DMXL1: variants seen among roughly 807,000 people sequenced by gnomAD.
DMXL1 encodes the protein dmX-like protein 1.
Under a neutral mutation model 319.2 loss-of-function variants are expected in DMXL1, and 99 were observed. That is an observed-to-expected ratio of 0.31 (90% CI 0.26 to 0.37). The LOEUF (loss-of-function observed/expected upper bound fraction) is 0.37, where lower values mean the gene tolerates loss of function less well. Ranked by LOEUF, DMXL1 falls within the 10% of genes least tolerant of loss-of-function variation. The pLI is 1.00. For missense variants in DMXL1, 3,745 were observed against 3,595.6 expected (o/e 1.04, Z -1.06); for synonymous variants, 1,385 against 1,235.2 (o/e 1.12, Z -2.54).
At chr5:119,159,859 A>G (rs1282187605) in intron 19 of DMXL1, among the ~76,000 whole-genome samples, 3 of 152,152 alleles carry the variant, frequency 2.0e-5, no homozygotes, top group Admixed American at 1.3e-4. Flanking sequence ...CCTGGTCTCA[A>G]GTGATCTGCC....
chr5:119,073,786 G>C (rs749230508), intron 1 of DMXL1, among the ~76,000 whole-genome samples: 6 of 152,090 alleles, frequency 3.9e-5, no homozygotes, highest in Non-Finnish European at 7.4e-5. Context: ...GTTCATCCTT[G>C]ACTCTTTAAG....
At chr5:119,108,138 G>GTT (rs1193287269) in intron 4 of DMXL1, among the ~76,000 whole-genome samples, 1 of 152,154 alleles carries the variant, frequency 6.6e-6, no homozygotes, top group East Asian at 1.9e-4. Flanking sequence ...TGAGTTGGGA[G>GTT]GATCGCTTGA....
chr5:119,170,097 G>T, intron 23 of DMXL1, 93 bp from the exon 24 acceptor site: 1 of 1,343,036 alleles, frequency 7.4e-7, no homozygotes, highest in African/African-American at 1.5e-5. Flanking sequence ...AGACTCTTTA[G>T]ATAAAGGTGT....
intron 25 of DMXL1, among the ~76,000 whole-genome samples, chr5:119,174,564 T>C (rs995246751): frequency 6.6e-6 from 1 of 152,268 alleles, no homozygotes; most frequent in Non-Finnish European, 1.5e-5. Flanking sequence ...TCTCCATTTT[T>C]ATCTACAAAA....
rs762835837 is a variant in DMXL1, at chr5:119,134,125, C to T, written c.2201C>T (p.Ser734Phe). The change falls in exon 12 of 44, where the codon TCT (serine) becomes TTT (phenylalanine). Residue 734 changes from serine (S) to phenylalanine (F), a missense_variant. Coordinates refer to ENST00000539542, the MANE Select transcript of DMXL1 (RefSeq NM_001290321.3). ...ELARINSLHV[S>F]AFSNVAWLPT... is the part of the protein sequence containing the mutation. ...GCCCGGATTAATTCTCTTCATGTTTCTGCCTTTTCCAATGTGGCATGGCTG... is the reference window on the plus strand; with the variant it reads ...GCCCGGATTAATTCTCTTCATGTTTTTGCCTTTTCCAATGTGGCATGGCTG... 3.7e-6 allele frequency: 6 copies of T among 1,613,888 alleles called. No homozygotes were observed. In the African/African-American group the frequency reaches 8.0e-5, roughly 22 times the overall value.
rs760027111 is a variant in DMXL1 at position 119,170,429 on chromosome 5, A to T, written c.5638A>T (p.Lys1880Ter). The T allele has an allele frequency of 6.2e-7, 1 of 1,614,002 alleles. No homozygotes were observed. Among genetic ancestry groups the T allele is most frequent in the Non-Finnish European group, 8.5e-7 (1 of 1,179,950 alleles). ...AATGTTGGCTTTGGAAGTATTATCA[A>T]AGATGCCTAAAGTCATCAAGAAAAC... Reference protein sequence around the residue: ...CPMLALEVLSKMPKVIKKTRP... With the variant: ...CPMLALEVLS The change falls in exon 24 of 44, where the codon AAG (lysine) becomes TAG (stop). Residue 1880 changes from lysine (K) to a stop codon, truncating the protein, a stop_gained. Coordinates refer to ENST00000539542, the MANE Select transcript of DMXL1 (RefSeq NM_001290321.3). LOFTEE classifies it high-confidence loss of function.
chr5:119,241,618 C>A (rs776420239), intron 42 of DMXL1, among the ~76,000 whole-genome samples: 2 of 151,090 alleles, frequency 1.3e-5, no homozygotes, highest in African/African-American at 4.9e-5. Flanking sequence ...TGGTGCATAT[C>A]AAGCAATTCA....
intron 19 of DMXL1, 53 bp from the exon 20 acceptor site, chr5:119,164,454 T>C (rs1428627471): frequency 2.8e-6 from 4 of 1,447,936 alleles, no homozygotes; most frequent in Non-Finnish European, 3.8e-6. Context: ...TTTCTGATAA[T>C]CATATAAGCA....
At chr5:119,151,804 T>G in intron 18 of DMXL1, 125 bp from the exon 19 acceptor site, 1 of 500,314 alleles carries the variant, frequency 2.0e-6, no homozygotes, top group Non-Finnish European at 3.5e-6. Flanking sequence ...AGATAAATGT[T>G]AGAAAATATT....
intron 25 of DMXL1, among the ~76,000 whole-genome samples, chr5:119,173,776 G>GA (rs1554127641): frequency 1.5e-5 from 1 of 67,170 alleles, no homozygotes; most frequent in Non-Finnish European, 2.9e-5. Context: ...ATGTGTGTGT[G>GA]TATATATATA....
Position 119,243,059 on chromosome 5 carries a change from C to T in DMXL1, c.8705-1300C>T, listed in dbSNP as rs1198665423. On this transcript the variant is annotated intron_variant, in intron 42 of 43. Coordinates refer to ENST00000539542, the MANE Select transcript of DMXL1 (RefSeq NM_001290321.3). ...TGCTTTTGTTGGGGAGGAGAATTGA[C>T]CATGAAGGGGCATGAAGGAACGTTC... Among the ~76,000 whole-genome samples the T allele has an allele frequency of 5.3e-5, 8 of 152,048 alleles. No homozygotes were observed. In the South Asian group the frequency reaches 1.5e-3, roughly 28 times the overall value.
At chr5:119,071,995 G>T (rs891407175) in intron 1 of DMXL1, among the ~76,000 whole-genome samples, 9 of 152,026 alleles carry the variant, frequency 5.9e-5, no homozygotes, top group African/African-American at 2.2e-4. Flanking sequence ...CATTCTATAG[G>T]TTCAAATTGT....
chr5:119,190,950 A>G (rs1275845626), intron 29 of DMXL1, among the ~76,000 whole-genome samples: 1 of 152,220 alleles, frequency 6.6e-6, no homozygotes, highest in East Asian at 1.9e-4. Context: ...CCTGAGTTAC[A>G]GAGATAGAAG....
At chr5:119,077,746 A>G (rs1243420894) in intron 1 of DMXL1, among the ~76,000 whole-genome samples, 2 of 62,332 alleles carry the variant, frequency 3.2e-5, no homozygotes, top group African/African-American at 1.8e-4. Context: ...ATATACATTT[A>G]TTTTTTAAGT....
chr5:119,173,748 G>GTGTGTA (rs1775138493), intron 25 of DMXL1, among the ~76,000 whole-genome samples: 1 of 97,924 alleles, frequency 1.0e-5, no homozygotes. Context: ...ATATATATAT[G>GTGTGTA]TGTGTGTATA....
Position 119,149,126 on chromosome 5 carries a change from A to T in DMXL1, c.3299A>T (p.Asp1100Val). The T allele has an allele frequency of 6.2e-7, 1 of 1,613,968 alleles. No individual in the cohort carries two copies. ...CWVLEQTIHL[D>V]ELSTVLDSGI... is the part of the protein sequence containing the mutation. The stretch of plus-strand genomic sequence containing the variant: ...GTCCTTGAGCAGACAATTCATTTAG[A>T]TGAGTTAAGCACAGTATTGGATTCT... The change falls in exon 18 of 44, where the codon GAT becomes GTT. Residue 1100 changes from aspartate (D) to valine (V), a missense_variant. By Grantham distance (152) the Asp-to-Val change is radical. This residue lies in a region of DMXL1 where 2,096 missense variants were observed against 1,985.4 expected (regional missense o/e 1.06). Coordinates refer to ENST00000539542, the MANE Select transcript of DMXL1 (RefSeq NM_001290321.3).
chr5:119,122,280 C>T (rs1337243257), intron 9 of DMXL1, among the ~76,000 whole-genome samples: 8 of 147,834 alleles, frequency 5.4e-5, no homozygotes, highest in Non-Finnish European at 1.1e-4. Flanking sequence ...ACCCCACCTC[C>T]CTCCCGGACG....
Position 119,177,988 on chromosome 5 carries a change from C to A in DMXL1, c.6887-8C>A. 6.3e-7 allele frequency: 1 copy of A among 1,577,500 alleles called. No homozygotes were observed. The highest frequency in any genetic ancestry group is 1.2e-5 in the South Asian group (1 of 83,560). ...GTCAGTGACAGCTATGTTTGTTTGT[C>A]GTTCTAGGAATAACTTGTCTAATTC... On this transcript the variant is annotated splice_polypyrimidine_tract_variant and splice_region_variant and intron_variant, in intron 27 of 43. Coordinates refer to ENST00000539542, the MANE Select transcript of DMXL1 (RefSeq NM_001290321.3).
chr5:119,088,013 A>G (rs113130923), intron 1 of DMXL1, among the ~76,000 whole-genome samples: 4,392 of 152,030 alleles, frequency 0.029, 192 homozygotes, highest in African/African-American at 0.1. Context: ...TGTTGGCTAG[A>G]CTGGCCTCGA....
Sources: gnomAD v4.1 joint callset for allele counts (sites outside exome capture counted in the v4.1 genomes callset) on GRCh38, gnomAD v4.1.1 for gene constraint, gnomAD v4.1.1 regional missense constraint, MANE v1.5 for transcripts, NCBI Gene and HGNC (gene_info 2026-07-23, HGNC 2026-07-21) for gene names.